The following FMN1 variants were observed in gnomAD, a reference collection of about 807,000 sequenced individuals.
FMN1 encodes the protein formin 1.
FMN1 carries 110 observed loss-of-function variants against 132.4 expected under a neutral mutation model. The observed-to-expected ratio is 0.83, with a 90% CI of 0.71 to 0.97. FMN1 has a LOEUF of 0.97. Among genes scored for constraint, FMN1 ranks in the 50% least tolerant of loss-of-function variants. The pLI is 0.00. For synonymous variants in FMN1, 722 were observed against 651.7 expected (o/e 1.11, Z -1.64); for missense variants, 1,792 against 1,705.3 (o/e 1.05, Z -0.90).
At chr15:33,093,179 T>C (rs1771798401) in intron 4 of FMN1, among the ~76,000 whole-genome samples, 3 of 152,208 alleles carry the variant, frequency 2.0e-5, no homozygotes. Flanking sequence ...GAAGTGGTTA[T>C]GCATCCAGAA....
rs1596366982 is a variant in FMN1, at chr15:32,969,155, T to G, written c.2546A>C (p.Asp849Ala). 1 of 1,613,900 alleles carries G rather than the reference T, an allele frequency of 6.2e-7. No homozygotes were observed. Among genetic ancestry groups the G allele is most frequent in the South Asian group, 1.1e-5 (1 of 91,070 alleles). The change falls in exon 8 of 21, where the codon GAC becomes GCC. Residue 849 changes from aspartate (D) to alanine (A), a missense_variant. This residue lies in a region of FMN1 where 1,150 missense variants were observed against 1,043.1 expected (regional missense o/e 1.10). Transcript: ENST00000616417. ...SQLSPPNDHKDIHAALQPMEG... is the reference protein window; with the variant it reads ...SQLSPPNDHKAIHAALQPMEG... Reference sequence around the variant, plus strand: ...CATTGGCTGGAGTGCTGCATGGATGTCTTTGTGGTCATTTGGGGGTGAGAG... The same window carrying G: ...CATTGGCTGGAGTGCTGCATGGATGGCTTTGTGGTCATTTGGGGGTGAGAG...
intron 6 of FMN1, among the ~76,000 whole-genome samples, chr15:33,056,379 T>G (rs143882123): frequency 0.01 from 1,581 of 152,310 alleles, 21 homozygotes; most frequent in Non-Finnish European, 0.016. Flanking sequence ...GAGACCCCAG[T>G]GCAGCCATGT....
intron 7 of FMN1, 146 bp downstream of exon 7, chr15:33,007,868 T>C: frequency 1.8e-6 from 1 of 553,726 alleles, no homozygotes; most frequent in Non-Finnish European, 3.2e-6. Flanking sequence ...TTTCATTCCC[T>C]GTATAGACAC....
intron 4 of FMN1, among the ~76,000 whole-genome samples, chr15:33,101,599 C>G (rs1329115354): frequency 6.6e-6 from 1 of 152,134 alleles, no homozygotes; most frequent in Non-Finnish European, 1.5e-5. Context: ...TAACTCAAAT[C>G]CCAGTCTGAA....
intron 17 of FMN1, among the ~76,000 whole-genome samples, chr15:32,852,849 G>A (rs1411256680): frequency 6.6e-6 from 1 of 152,124 alleles, no homozygotes; most frequent in Non-Finnish European, 1.5e-5. Flanking sequence ...GTCAGACAAA[G>A]TTCAGATTCT....
At chr15:33,128,497 CAG>C (rs1398024077) in intron 4 of FMN1, among the ~76,000 whole-genome samples, 21 of 152,308 alleles carry the variant, frequency 1.4e-4, no homozygotes, top group South Asian at 8.3e-4. Flanking sequence ...TGCAAGTTCT[CAG>C]AGTCATTACA....
chr15:32,805,648 T>G (rs1286111599), intron 17 of FMN1, among the ~76,000 whole-genome samples: 3 of 152,224 alleles, frequency 2.0e-5, no homozygotes, highest in Admixed American at 2.0e-4. Flanking sequence ...TGTTAATAAT[T>G]ACACCTAGGC....
At chr15:32,998,842 C>A (rs1489499634) in intron 7 of FMN1, among the ~76,000 whole-genome samples, 2 of 152,190 alleles carry the variant, frequency 1.3e-5, no homozygotes, top group Non-Finnish European at 2.9e-5. Flanking sequence ...TACAAATGAG[C>A]AATCAACATT....
chr15:32,929,477 A>C (rs554216650), intron 9 of FMN1, among the ~76,000 whole-genome samples: 3 of 152,202 alleles, frequency 2.0e-5, no homozygotes, highest in Non-Finnish European at 4.4e-5. Flanking sequence ...ACAAAAATTT[A>C]AATGTATAGT....
intron 4 of FMN1, among the ~76,000 whole-genome samples, chr15:33,090,939 C>T (rs1339736551): frequency 1.3e-5 from 2 of 152,136 alleles, no homozygotes; most frequent in African/African-American, 4.8e-5. Context: ...TTTCTATTCA[C>T]CTTTGGCATA....
At chr15:32,997,572 G>A (rs565491431) in intron 7 of FMN1, among the ~76,000 whole-genome samples, 1 of 152,220 alleles carries the variant, frequency 6.6e-6, no homozygotes, top group South Asian at 2.1e-4. Flanking sequence ...AATTATCTAC[G>A]TGAAGCACTG....
At position 33,065,004 on chromosome 15, in the gene FMN1, T is replaced by G. The variant is rs1595387661; in HGVS notation, c.2114A>C (p.Lys705Thr). 2.5e-6 allele frequency: 4 copies of G among 1,612,162 alleles called. No individual in the cohort carries two copies. The highest frequency in any genetic ancestry group is 3.4e-6 in the Non-Finnish European group (4 of 1,179,192). Reference sequence around the variant, plus strand: ...CACTTTTTCTTCTGTGTCTTTTGTCTTTGGGGGTGGCCAGACAGCTTGAAG... The same window carrying G: ...CACTTTTTCTTCTGTGTCTTTTGTCGTTGGGGGTGGCCAGACAGCTTGAAG... Reference protein sequence around the residue: ...GRLQAVWPPPKTKDTEEKVGL... With the variant: ...GRLQAVWPPPTTKDTEEKVGL... Residue 705 changes from lysine (K) to threonine (T), a missense_variant, in exon 6 of 21, where the codon AAG becomes ACG. Coordinates refer to ENST00000616417, the MANE Select transcript of FMN1 (RefSeq NM_001277313.2).
At chr15:33,018,724 A>G (rs1425774618) in intron 6 of FMN1, among the ~76,000 whole-genome samples, 1 of 152,166 alleles carries the variant, frequency 6.6e-6, no homozygotes, top group Non-Finnish European at 1.5e-5. Context: ...CGGTTCTTAA[A>G]GGTGGCGTGT....
At chr15:32,868,480 A>G (rs917804754) in intron 16 of FMN1, among the ~76,000 whole-genome samples, 7 of 152,182 alleles carry the variant, frequency 4.6e-5, no homozygotes, top group African/African-American at 9.7e-5. Flanking sequence ...TGTTTGTGTA[A>G]GTACACTCTA....
chr15:33,033,086 A>G (rs143284764), intron 6 of FMN1, among the ~76,000 whole-genome samples: 112 of 152,212 alleles, frequency 7.4e-4, no homozygotes, highest in African/African-American at 2.5e-3. Context: ...GATGGAGTGC[A>G]GTGGTACGAT....
chr15:33,097,935 G>GT (rs1491274326), intron 4 of FMN1, among the ~76,000 whole-genome samples: 1 of 152,110 alleles, frequency 6.6e-6, no homozygotes, highest in Non-Finnish European at 1.5e-5. Flanking sequence ...TCCATTCACA[G>GT]TAACTGTAGA....
chr15:32,785,161 CGTGTGTGTGTGT>C (rs1178285469), intron 19 of FMN1, among the ~76,000 whole-genome samples: 14,509 of 51,482 alleles, frequency 0.28, 2,641 homozygotes, highest in Middle Eastern at 0.44. Context: ...TGTATACGTA[CGTGTGTGTGTGT>C]GTGTGTGTGT....
chr15:32,890,340 G>C (rs751036317), intron 15 of FMN1, among the ~76,000 whole-genome samples: 2 of 152,196 alleles, frequency 1.3e-5, no homozygotes, highest in Non-Finnish European at 2.9e-5. Flanking sequence ...TCTTTAAGGA[G>C]TCTCCACACT....
At chr15:33,024,373 A>C (rs1465163260) in intron 6 of FMN1, among the ~76,000 whole-genome samples, 2 of 151,690 alleles carry the variant, frequency 1.3e-5, no homozygotes, top group Admixed American at 1.3e-4. Context: ...CAGCGTCCTG[A>C]GTAGCCAGGA....
Sources: gnomAD v4.1 joint callset for allele counts (sites outside exome capture counted in the v4.1 genomes callset) on GRCh38, gnomAD v4.1.1 for gene constraint, gnomAD v4.1.1 regional missense constraint, MANE v1.5 for transcripts, NCBI Gene and HGNC (gene_info 2026-07-23, HGNC 2026-07-21) for gene names.